Variants in ZFPM2 observed in about 807,000 individuals in gnomAD.
ZFPM2 encodes zinc finger protein, FOG family member 2.
A neutral mutation model predicts 98.6 loss-of-function variants in ZFPM2; 20 were observed. The observed-to-expected ratio is 0.20, with a 90% CI of 0.14 to 0.29. The LOEUF (loss-of-function observed/expected upper bound fraction) is 0.29, where lower values mean the gene tolerates loss of function less well. ZFPM2 is among the 10% of genes least tolerant of loss of function. The pLI is 1.00. For synonymous variants in ZFPM2, 518 were observed against 502.7 expected, an observed-to-expected ratio of 1.03 and a Z score of -0.41; for missense variants, 1,310 against 1,388.6, an observed-to-expected ratio of 0.94 and a Z score of 0.90.
chr8:105,650,164 A>T (rs1817140843), intron 5 of ZFPM2, among the ~76,000 whole-genome samples: 1 of 152,160 alleles, frequency 6.6e-6, no homozygotes, highest in Non-Finnish European at 1.5e-5. Flanking sequence ...TTGTTTGCAT[A>T]GAGGTGTTTA....
chr8:105,339,612 G>A (rs530274120), intron 1 of ZFPM2, among the ~76,000 whole-genome samples: 5 of 151,898 alleles, frequency 3.3e-5, no homozygotes, highest in Non-Finnish European at 5.9e-5. Flanking sequence ...GTGTCTGTTC[G>A]GATTGATAAT....
chr8:105,501,195 T>C (rs1813587914), intron 3 of ZFPM2, among the ~76,000 whole-genome samples: 1 of 151,526 alleles, frequency 6.6e-6, no homozygotes, highest in African/African-American at 2.4e-5. Context: ...TTTTTTTTTT[T>C]TTTTTGAGAT....
At chr8:105,667,743 C>A (rs188375334) in intron 5 of ZFPM2, among the ~76,000 whole-genome samples, 1 of 152,122 alleles carries the variant, frequency 6.6e-6, no homozygotes, top group Non-Finnish European at 1.5e-5. Context: ...AGGAGATTTG[C>A]CCAAATATAA....
intron 1 of ZFPM2, among the ~76,000 whole-genome samples, chr8:105,385,819 C>T (rs943394039): frequency 6.6e-6 from 1 of 152,150 alleles, no homozygotes; most frequent in African/African-American, 2.4e-5. Flanking sequence ...CTATTCCCTC[C>T]TCTCTATTCT....
intron 5 of ZFPM2, among the ~76,000 whole-genome samples, chr8:105,735,601 G>A (rs1319977596): frequency 6.6e-6 from 1 of 151,108 alleles, no homozygotes; most frequent in African/African-American, 2.4e-5. Flanking sequence ...CATATTATAG[G>A]AGGAGGTTTT....
At position 105,661,132 on chromosome 8, in the gene ZFPM2, G is replaced by C. The variant is rs531594710; in HGVS notation, c.532+26775G>C. Among the ~76,000 whole-genome samples, 44 of 152,218 alleles carry C rather than the reference G, an allele frequency of 2.9e-4. No individual in the cohort carries two copies. The South Asian group carries it at 8.1e-3, about 28-fold the overall frequency. Reference sequence around the variant, plus strand: ...TAAATATCTATAATTTTGACAAAAAGAGTTTTAGTCAAAATTTTGTAAACC... The same window carrying C: ...TAAATATCTATAATTTTGACAAAAACAGTTTTAGTCAAAATTTTGTAAACC... On this transcript the variant is annotated intron_variant, in intron 5 of 7. Transcript: ENST00000407775.
intron 1 of ZFPM2, among the ~76,000 whole-genome samples, chr8:105,319,197 GAGCAGCCCATGCTTGCCCCGCTC>G (rs1198079762): frequency 1.3e-5 from 2 of 152,100 alleles, no homozygotes; most frequent in Non-Finnish European, 2.9e-5. Flanking sequence ...AGGCTGCGAG[GAGCAGCCCATGCTTGCCCCGCTC>G]AGCCCTCGCG....
intron 3 of ZFPM2, among the ~76,000 whole-genome samples, chr8:105,550,289 T>A (rs1311803025): frequency 6.6e-6 from 1 of 152,146 alleles, no homozygotes; most frequent in African/African-American, 2.4e-5. Flanking sequence ...TGGCAGCTAA[T>A]CTTATAAATG....
At chr8:105,580,125 T>C (rs1185259300) in intron 4 of ZFPM2, among the ~76,000 whole-genome samples, 2 of 149,438 alleles carry the variant, frequency 1.3e-5, no homozygotes, top group Non-Finnish European at 3.0e-5. Flanking sequence ...TCTGAATTGC[T>C]TTTCTTATGT....
At chr8:105,412,573 A>T (rs1811598338) in intron 1 of ZFPM2, among the ~76,000 whole-genome samples, 1 of 151,840 alleles carries the variant, frequency 6.6e-6, no homozygotes, top group Non-Finnish European at 1.5e-5. Flanking sequence ...CTTCTGGCAG[A>T]CAAGAGAAAA....
At chr8:105,513,633 A>G (rs10105733) in intron 3 of ZFPM2, among the ~76,000 whole-genome samples, 60,724 of 152,174 alleles carry the variant, frequency 0.4, 14,898 homozygotes, top group African/African-American at 0.7. Flanking sequence ...GAAAGATGGA[A>G]GTGTACATTT....
chr8:105,601,724 T>C (rs768514824), intron 4 of ZFPM2, among the ~76,000 whole-genome samples: 7 of 152,022 alleles, frequency 4.6e-5, no homozygotes, highest in Non-Finnish European at 1.0e-4. Flanking sequence ...AGTCACACAG[T>C]TGATGATGGT....
At chr8:105,606,572 A>G (rs186933727) in intron 4 of ZFPM2, among the ~76,000 whole-genome samples, 3 of 152,220 alleles carry the variant, frequency 2.0e-5, no homozygotes, top group East Asian at 3.9e-4. Context: ...TAGGTTATGT[A>G]TGGAAATTAC....
intron 5 of ZFPM2, among the ~76,000 whole-genome samples, chr8:105,709,768 T>A (rs1391243583): frequency 6.6e-6 from 1 of 152,140 alleles, no homozygotes; most frequent in African/African-American, 2.4e-5. Context: ...TGTAGTCTGA[T>A]ACCTGAAAAA....
chr8:105,683,552 A>G (rs1009387428), intron 5 of ZFPM2, among the ~76,000 whole-genome samples: 1 of 152,194 alleles, frequency 6.6e-6, no homozygotes, highest in East Asian at 1.9e-4. Flanking sequence ...GCAGCCATTC[A>G]CCAGCCACAC....
At chr8:105,687,989 A>G (rs1275566954) in intron 5 of ZFPM2, among the ~76,000 whole-genome samples, 2 of 152,124 alleles carry the variant, frequency 1.3e-5, no homozygotes, top group Non-Finnish European at 2.9e-5. Flanking sequence ...TAAAAGGGGT[A>G]AGTGGCATCA....
At chr8:105,632,422 G>T (rs1479269076) in intron 4 of ZFPM2, among the ~76,000 whole-genome samples, 1 of 151,926 alleles carries the variant, frequency 6.6e-6, no homozygotes, top group Non-Finnish European at 1.5e-5. Context: ...CATCCACTTC[G>T]GCCTCCCAAA....
At chr8:105,712,908 A>G (rs949451364) in intron 5 of ZFPM2, among the ~76,000 whole-genome samples, 1 of 152,002 alleles carries the variant, frequency 6.6e-6, no homozygotes, top group African/African-American at 2.4e-5. Context: ...TTATGGCTGC[A>G]TAGTGTTCTG....
At chr8:105,712,636 T>TGA (rs1811430131) in intron 5 of ZFPM2, among the ~76,000 whole-genome samples, 1 of 151,934 alleles carries the variant, frequency 6.6e-6, no homozygotes, top group Middle Eastern at 3.2e-3. Context: ...GATGCTGAGG[T>TGA]TTGGGCTTCT....
Sources: gnomAD v4.1 joint callset for allele counts (sites outside exome capture counted in the v4.1 genomes callset) on GRCh38, gnomAD v4.1.1 for gene constraint, MANE v1.5 for transcripts, NCBI Gene and HGNC (gene_info 2026-07-23, HGNC 2026-07-21) for gene names.